ENOX1: variants seen among roughly 807,000 people sequenced by gnomAD.
ENOX1 encodes the protein candidate growth-related and time keeping constitutive hydroquinone (NADH) oxidase.
Under a neutral mutation model 82.5 loss-of-function variants are expected in ENOX1, and 42 were observed. That is an observed-to-expected ratio of 0.51 (90% confidence interval 0.40 to 0.66). ENOX1 has a LOEUF of 0.66. Among genes scored for constraint, ENOX1 ranks in the 30% least tolerant of loss-of-function variants. The pLI is 0.00. For missense variants in ENOX1, 608 were observed against 811.6 expected (o/e 0.75, Z 3.05); for synonymous variants, 271 against 282.2 (o/e 0.96, Z 0.40).
intron 5 of ENOX1, among the ~76,000 whole-genome samples, chr13:43,410,366 A>G (rs894999281): frequency 2.0e-5 from 3 of 152,090 alleles, no homozygotes; most frequent in Admixed American, 6.6e-5. Flanking sequence ...GGATAAACAC[A>G]TGTTCAAGCC....
intron 1 of ENOX1, among the ~76,000 whole-genome samples, chr13:43,781,639 G>A (rs1393208537): frequency 2.6e-5 from 4 of 151,908 alleles, no homozygotes; most frequent in Admixed American, 6.6e-5. Flanking sequence ...TCAGCCCCCC[G>A]AGTAGCTGGG....
chr13:43,344,512 G>A lies in ENOX1; in HGVS notation c.1036+26C>T, dbSNP rs200944930. On this transcript the variant is annotated intron_variant, in intron 9 of 16. Coordinates refer to ENST00000690772, the MANE Select transcript of ENOX1 (RefSeq NM_001347969.2). ...AAGAAAAGGCAAAATCACAACAAAA[G>A]AGATGGCCCCCAAAATTTTACTTAC... The A allele has an allele frequency of 2.5e-6, 4 of 1,577,868 alleles. No individual in the cohort carries two copies. In the East Asian group the frequency reaches 6.7e-5, roughly 26 times the overall value.
chr13:43,715,851 T>C lies in ENOX1; in HGVS notation c.-284-48307A>G, dbSNP rs187174401. On this transcript the variant is annotated intron_variant, in intron 1 of 16. Coordinates refer to ENST00000690772, the MANE Select transcript of ENOX1 (RefSeq NM_001347969.2). ...TTAAGGACTTCTCTGCATTGGTTTT[T>C]CTAGGTAACCATTCGCATTCTTCAC... Among the ~76,000 whole-genome samples, 11 of 152,100 alleles carry C rather than the reference T, an allele frequency of 7.2e-5. No individual in the cohort carries two copies. The East Asian group carries it at 2.1e-3, about 29-fold the overall frequency.
chr13:43,241,270 CTTTATCCT>C (rs1305120783), intron 14 of ENOX1, among the ~76,000 whole-genome samples: 6 of 152,136 alleles, frequency 3.9e-5, no homozygotes, highest in Admixed American at 3.9e-4. Flanking sequence ...TATGAAGACC[CTTTATCCT>C]TTTATCACCT....
At chr13:43,285,846 CT>C (rs1376552056) in intron 12 of ENOX1, among the ~76,000 whole-genome samples, 115 of 150,088 alleles carry the variant, frequency 7.7e-4, no homozygotes, top group African/African-American at 2.5e-3. Context: ...GAATTCCCCC[CT>C]CTTCTTCTTT....
chr13:43,261,555 C>A lies in ENOX1; in HGVS notation c.1611+3843G>T, dbSNP rs148233093. Among the ~76,000 whole-genome samples the A allele has an allele frequency of 1.1e-3, 172 of 152,148 alleles. 1 individual carries two copies. The highest frequency in any genetic ancestry group is 3.6e-3 in the African/African-American group (151 of 41,492). ...TTATTTCACATCTACATTATACAGCCGTTAAAAATCATGTCTTTGACTTGG... is the reference window on the plus strand; with the variant it reads ...TTATTTCACATCTACATTATACAGCAGTTAAAAATCATGTCTTTGACTTGG... On this transcript the variant is annotated intron_variant, in intron 14 of 16. Coordinates refer to ENST00000690772, the MANE Select transcript of ENOX1 (RefSeq NM_001347969.2).
chr13:43,412,125 T>C, intron 4 of ENOX1, 72 bp from the exon 5 acceptor site: 1 of 1,556,142 alleles, frequency 6.4e-7, no homozygotes, highest in Non-Finnish European at 8.8e-7. Context: ...ATCACATTTC[T>C]AGATATGTGA....
chr13:43,316,875 A>G (rs1382974496), intron 11 of ENOX1, among the ~76,000 whole-genome samples: 1 of 152,130 alleles, frequency 6.6e-6, no homozygotes, highest in African/African-American at 2.4e-5. Flanking sequence ...CCCACCTTGC[A>G]AGATTTCTTT....
chr13:43,548,109 A>T (rs1478456194), intron 2 of ENOX1: 1 of 152,244 alleles, frequency 6.6e-6, no homozygotes, highest in Non-Finnish European at 1.5e-5. Flanking sequence ...CTGCTCTAAA[A>T]TAATAGTTTT....
At chr13:43,646,018 C>T (rs570376479) in intron 2 of ENOX1, among the ~76,000 whole-genome samples, 34 of 152,326 alleles carry the variant, frequency 2.2e-4, no homozygotes, top group Admixed American at 9.1e-4. Context: ...AAAGGCTGGG[C>T]AAGTGTGCCA....
At chr13:43,599,462 C>G (rs1395338939) in intron 2 of ENOX1, among the ~76,000 whole-genome samples, 1 of 151,982 alleles carries the variant, frequency 6.6e-6, no homozygotes, top group Admixed American at 6.6e-5. Flanking sequence ...CTGGCACCTA[C>G]AGAGGGAGCA....
At chr13:43,713,652 T>G (rs1298083138) in intron 1 of ENOX1, among the ~76,000 whole-genome samples, 2 of 152,154 alleles carry the variant, frequency 1.3e-5, no homozygotes, top group East Asian at 1.9e-4. Flanking sequence ...GAGGGTGTAT[T>G]TGTCGAGTAA....
chr13:43,528,587 A>G (rs573432111), intron 2 of ENOX1, among the ~76,000 whole-genome samples: 1 of 152,090 alleles, frequency 6.6e-6, no homozygotes, highest in South Asian at 2.1e-4. Flanking sequence ...CCATTTAAAA[A>G]ATTGTATCTC....
intron 2 of ENOX1, among the ~76,000 whole-genome samples, chr13:43,521,585 A>G (rs751964413): frequency 6.6e-6 from 1 of 152,180 alleles, no homozygotes; most frequent in Non-Finnish European, 1.5e-5. Flanking sequence ...ACTGAGCCCT[A>G]TAAGACCACT....
chr13:43,780,792 T>C (rs1952211465), intron 1 of ENOX1, among the ~76,000 whole-genome samples: 1 of 152,244 alleles, frequency 6.6e-6, no homozygotes, highest in African/African-American at 2.4e-5. Context: ...TCTGGGGCTT[T>C]TGAGATGCTC....
intron 3 of ENOX1, among the ~76,000 whole-genome samples, chr13:43,478,694 G>A (rs901095080): frequency 6.6e-6 from 1 of 152,092 alleles, no homozygotes; most frequent in African/African-American, 2.4e-5. Flanking sequence ...TGTACTCACT[G>A]TGTGTATTTT....
At chr13:43,583,757 A>AT (rs1168570075) in intron 2 of ENOX1, among the ~76,000 whole-genome samples, 2 of 151,380 alleles carry the variant, frequency 1.3e-5, no homozygotes, top group Admixed American at 1.3e-4. Flanking sequence ...AACACTTGTT[A>AT]TTTTCAGCCA....
At chr13:43,257,130 A>G (rs778424097) in intron 14 of ENOX1, among the ~76,000 whole-genome samples, 2 of 152,206 alleles carry the variant, frequency 1.3e-5, no homozygotes, top group Non-Finnish European at 2.9e-5. Context: ...GTTAGAGAGT[A>G]GACTGGTTGC....
At chr13:43,320,979 T>C (rs1239326653) in intron 11 of ENOX1, 1 of 444,210 alleles carries the variant, frequency 2.3e-6, no homozygotes, top group African/African-American at 2.0e-5. Context: ...TCCTGAGGAA[T>C]CTGATCTGGG....
Sources: gnomAD v4.1 joint callset for allele counts (sites outside exome capture counted in the v4.1 genomes callset) on GRCh38, gnomAD v4.1.1 for gene constraint, MANE v1.5 for transcripts, NCBI Gene and HGNC (gene_info 2026-07-23, HGNC 2026-07-21) for gene names.